The following ADAMTS5 variants were observed in gnomAD, a reference collection of about 807,000 sequenced individuals.
ADAMTS5 encodes ADAM metallopeptidase with thrombospondin type 1 motif 5.
ADAMTS5 carries 54 observed loss-of-function variants against 81.4 expected under a neutral mutation model. That is an observed-to-expected ratio of 0.66 (90% CI 0.53 to 0.83). The LOEUF (loss-of-function observed/expected upper bound fraction) is 0.83, where lower values mean the gene tolerates loss of function less well. ADAMTS5 is among the 40% of genes least tolerant of loss of function. ADAMTS5 has a pLI of 0.00. For missense variants in ADAMTS5, 1,194 were observed against 1,229.9 expected (o/e 0.97, Z 0.44); for synonymous variants, 532 against 508.8 (o/e 1.05, Z -0.61).
Position 26,943,582 on chromosome 21 carries a change from G to A in ADAMTS5, c.1238-35C>T, listed in dbSNP as rs770382338. The A allele has an allele frequency of 8.2e-6, 13 of 1,577,892 alleles. No homozygotes were observed. In the Admixed American group the frequency reaches 8.8e-5, roughly 11 times the overall value. On this transcript the variant is annotated intron_variant, in intron 2 of 7. Transcript: ENST00000284987. ...ACAACAGAGGAAGTACAAATAATCC[G>A]TGATTGTGTATTTCTATCTTTCCAT...
chr21:26,949,411 G>A (rs1040015785), intron 2 of ADAMTS5, among the ~76,000 whole-genome samples: 2 of 151,812 alleles, frequency 1.3e-5, no homozygotes, highest in African/African-American at 4.8e-5. Context: ...TAGAGACAGG[G>A]TCTCACTATG....
chr21:26,962,268 G>C (rs1987543953), intron 1 of ADAMTS5, among the ~76,000 whole-genome samples: 1 of 152,170 alleles, frequency 6.6e-6, no homozygotes. Context: ...AATAAAAGAG[G>C]ACGTCCAGAA....
intron 2 of ADAMTS5, among the ~76,000 whole-genome samples, chr21:26,947,324 G>A (rs929736863): frequency 6.6e-6 from 1 of 152,192 alleles, no homozygotes; most frequent in Non-Finnish European, 1.5e-5. Context: ...CTGGGGAGGG[G>A]AGATAGAAGC....
At chr21:26,946,300 T>G (rs1987214309) in intron 2 of ADAMTS5, among the ~76,000 whole-genome samples, 1 of 152,158 alleles carries the variant, frequency 6.6e-6, no homozygotes, top group African/African-American at 2.4e-5. Context: ...GCTAAGACAT[T>G]TACTCTTAGT....
chr21:26,966,014 G>A lies in ADAMTS5; in HGVS notation c.378C>T (p.His126=). The A allele has an allele frequency of 6.2e-7, 1 of 1,613,112 alleles. No homozygotes were observed. Among genetic ancestry groups the A allele is most frequent in the Non-Finnish European group, 8.5e-7 (1 of 1,179,864 alleles). ...TGCCCCGATAGAAGCAGTGGCTCCG[G>A]TGGCGCCAGGGCGCACTCGTCCCGC... ...AGGGTSAPWR[H]RSHCFYRGTV... The change falls in exon 1 of 8, where the codon CAC becomes CAT. Residue 126 remains histidine, a synonymous_variant. Transcript: ENST00000284987.
intron 1 of ADAMTS5, 106 bp from the exon 2 acceptor site, chr21:26,954,977 G>A: frequency 5.9e-6 from 8 of 1,358,556 alleles, no homozygotes; most frequent in Non-Finnish European, 8.0e-6. Flanking sequence ...TATGTTTATG[G>A]TATCACCTGT....
chr21:26,929,930 G>T lies in ADAMTS5; in HGVS notation c.2181C>A (p.Asp727Glu), dbSNP rs975357313. The stretch of plus-strand genomic sequence containing the variant: ...CAACAATCTTTGTACAGCTGGAGTT[G>T]TCTCCTCCACATACTCCGCACTTGT... ...QYDKCGVCGG[D>E]NSSCTKIVGT... Residue 727 changes from aspartate to glutamate, a missense_variant, in exon 7 of 8, where the codon GAC (aspartate) becomes GAA (glutamate). Asp to Glu is a conservative substitution (Grantham distance 45). This residue lies in a region of ADAMTS5 where 696 missense variants were observed against 817.6 expected (regional missense o/e 0.85). Transcript: ENST00000284987. 6.2e-7 allele frequency: 1 copy of T among 1,613,966 alleles called. No homozygotes were observed. The highest frequency in any genetic ancestry group is 8.5e-7 in the Non-Finnish European group (1 of 1,179,924).
In ADAMTS5 at chr21:26,933,315, G is replaced by T. The variant is rs377434900; in HGVS notation, c.1690-271C>A. Among the ~76,000 whole-genome samples the T allele has an allele frequency of 3.9e-5, 6 of 152,214 alleles. No homozygotes were observed. The East Asian group carries it at 9.7e-4, about 25-fold the overall frequency. ...ACACCACAAAGATTATCACCTTTTG[G>T]TTTCTACGGACCATTGTAAATTATG... On this transcript the variant is annotated intron_variant, in intron 4 of 7. Transcript: ENST00000284987.
At position 26,965,673 on chromosome 21, in the gene ADAMTS5, T is replaced by C; in HGVS notation, c.719A>G (p.Asp240Gly). Residue 240 changes from aspartate to glycine, a missense_variant, in exon 1 of 8, where the codon GAC (aspartate) becomes GGC (glycine). Asp to Gly is a moderately conservative substitution (Grantham distance 94). Around this residue, in one of 2 missense-constraint regions of ADAMTS5, gnomAD observed 498 missense variants for 412.3 expected, o/e 1.21. Coordinates refer to ENST00000284987, the MANE Select transcript of ADAMTS5 (RefSeq NM_007038.5). ...GRAALASQLL[D>G]QSALSPAGGS... ...CCCAGCGGGCGAGAGAGCGGACTGG[T>C]CCAAGAGCTGCGAGGCCAGTGCTGC... 6.3e-7 allele frequency: 1 copy of C among 1,588,396 alleles called. No individual in the cohort carries two copies.
At chr21:26,931,292 G>A (rs1302817200) in intron 6 of ADAMTS5, among the ~76,000 whole-genome samples, 1 of 152,096 alleles carries the variant, frequency 6.6e-6, no homozygotes. Context: ...TGATCTGCCC[G>A]CCTCAGCTTC....
At chr21:26,940,266 T>G (rs1415583320) in intron 3 of ADAMTS5, among the ~76,000 whole-genome samples, 1 of 152,186 alleles carries the variant, frequency 6.6e-6, no homozygotes, top group East Asian at 1.9e-4. Flanking sequence ...CATTGAAAAA[T>G]TGTATATGTG....
chr21:26,947,134 G>A (rs527571755), intron 2 of ADAMTS5, among the ~76,000 whole-genome samples: 7 of 152,288 alleles, frequency 4.6e-5, no homozygotes, highest in African/African-American at 1.7e-4. Context: ...GCAAAAGATC[G>A]AAAAGCAGTT....
At chr21:26,956,919 C>G (rs1305566730) in intron 1 of ADAMTS5, among the ~76,000 whole-genome samples, 1 of 152,150 alleles carries the variant, frequency 6.6e-6, no homozygotes, top group Non-Finnish European at 1.5e-5. Flanking sequence ...TGCATTTGGC[C>G]TTTTGCCACG....
chr21:26,932,902 GCCCTC>G lies in ADAMTS5; in HGVS notation c.1827_1831del (p.Lys609AsnfsTer16). The G allele has an allele frequency of 6.2e-7, 1 of 1,613,702 alleles. No individual in the cohort carries two copies. The highest frequency in any genetic ancestry group is 1.7e-5 in the Admixed American group (1 of 59,924). ...CATGAGACTGCAGGAGCGGTAGATG[GCCCTC>G]TTCCCTGTGCAGTAGCGTCCGTTGT... On this transcript the variant is annotated frameshift_variant, in exon 5 of 8. Coordinates refer to ENST00000284987, the MANE Select transcript of ADAMTS5 (RefSeq NM_007038.5). LOFTEE classifies it high-confidence loss of function.
intron 1 of ADAMTS5, among the ~76,000 whole-genome samples, chr21:26,957,428 C>T (rs76631864): frequency 0.029 from 3,933 of 134,360 alleles, 64 homozygotes; most frequent in Non-Finnish European, 0.04. Flanking sequence ...GTGTGTGTGT[C>T]TATAGATAGA....
rs778127590 is a variant in ADAMTS5, at chr21:26,929,984, G to C, written c.2127C>G (p.Asp709Glu). ...VRGKCVRTGCDGIIGSKLQYD... is the reference protein window; with the variant it reads ...VRGKCVRTGCEGIIGSKLQYD... ...ACTGCAGCTTTGAGCCAATGATGCC[G>C]TCACAGCCAGTTCTCACACACTTCC... Residue 709 changes from aspartate to glutamate, a missense_variant, in exon 7 of 8, where the codon GAC (aspartate) becomes GAG (glutamate). This residue lies in a region of ADAMTS5 where 696 missense variants were observed against 817.6 expected (regional missense o/e 0.85). Transcript: ENST00000284987. 1 of 1,614,018 alleles carries C rather than the reference G, an allele frequency of 6.2e-7. No homozygotes were observed. Among genetic ancestry groups the C allele is most frequent in the African/African-American group, 1.3e-5 (1 of 75,004 alleles).
rs1315583181 is a variant in ADAMTS5 at position 26,943,381 on chromosome 21, A to G, written c.1404T>C (p.His468=). 1.9e-6 allele frequency: 3 copies of G among 1,611,966 alleles called. No homozygotes were observed. The highest frequency in any genetic ancestry group is 2.5e-6 in the Non-Finnish European group (3 of 1,179,108). ...TGTGTTCTCCTAAATGATACATACC[A>G]TGGCCATCATCCAGGAATTCTGTGA... is the stretch of plus-strand genomic sequence containing the variant. The part of the protein sequence containing the change: ...ATITEFLDDG[H]GNCLLDLPRK... Residue 468 remains histidine (H), a splice_region_variant and synonymous_variant, in exon 3 of 8, where the codon CAT becomes CAC. Transcript: ENST00000284987.
Position 26,951,867 on chromosome 21 carries a change from A to G in ADAMTS5, c.1237+2872T>C, listed in dbSNP as rs1325180260. On this transcript the variant is annotated intron_variant, in intron 2 of 7. Transcript: ENST00000284987. ...CATTATCCAAGATCACACTGGCTGG[A>G]GGGGCAAGACTCTGTAATAATACAC... 4.0e-5 allele frequency among the ~76,000 whole-genome samples: 6 copies of G among 151,076 alleles called. No homozygotes were observed. The South Asian group carries it at 1.0e-3, about 26-fold the overall frequency.
At chr21:26,956,403 A>T (rs989535637) in intron 1 of ADAMTS5, among the ~76,000 whole-genome samples, 1 of 152,328 alleles carries the variant, frequency 6.6e-6, no homozygotes, top group Middle Eastern at 3.4e-3. Context: ...CACAAAACCA[A>T]CAGCCTTCCA....
Sources: allele counts gnomAD v4.1 joint callset (sites outside exome capture counted in the v4.1 genomes callset), GRCh38; gene constraint gnomAD v4.1.1; regional missense constraint gnomAD v4.1.1; transcripts MANE v1.5; gene names NCBI Gene and HGNC (gene_info 2026-07-23, HGNC 2026-07-21).